CDC42BPA: variants seen among roughly 807,000 people sequenced by gnomAD.
CDC42BPA encodes the protein CDC42 binding protein kinase alpha.
A neutral mutation model predicts 223.5 loss-of-function variants in CDC42BPA; 80 were observed. The ratio of observed to expected loss-of-function variants is 0.36; its 90% CI spans 0.30 to 0.43. CDC42BPA has a LOEUF of 0.43. Among genes scored for constraint, CDC42BPA ranks in the 20% least tolerant of loss-of-function variants. The pLI is 1.00. For synonymous variants in CDC42BPA, 694 were observed against 718.6 expected (o/e 0.97, Z 0.55); for missense variants, 1,743 against 2,099.9 (o/e 0.83, Z 3.32).
chr1:227,029,362 A>G, intron 29 of CDC42BPA, 112 bp from the exon 30 acceptor site: 5 of 678,222 alleles, frequency 7.4e-6, no homozygotes, highest in Non-Finnish European at 1.2e-5. Flanking sequence ...GAAGAATAAG[A>G]CATCAGAAGT....
Position 227,156,581 on chromosome 1 carries a change from A to G in CDC42BPA, c.693+3962T>C, listed in dbSNP as rs150529847. 6.0e-3 allele frequency among the ~76,000 whole-genome samples: 910 copies of G among 152,278 alleles called. 10 individuals are homozygous for G. The highest frequency in any genetic ancestry group is 0.021 in the African/African-American group (857 of 41,546). On this transcript the variant is annotated intron_variant, in intron 6 of 36. Transcript: ENST00000366766. ...AATAAGTATGCTAGAAACAAAACAT[A>G]AAATATTATCCTATTGTCCAGAAAA... is the stretch of plus-strand genomic sequence containing the variant.
chr1:227,070,828 C>T (rs978668919), intron 20 of CDC42BPA, among the ~76,000 whole-genome samples: 3 of 151,632 alleles, frequency 2.0e-5, no homozygotes, highest in Non-Finnish European at 3.0e-5. Context: ...GGTAAACATG[C>T]CTTCAGTGAT....
At chr1:227,004,958 G>T in intron 35 of CDC42BPA, 36 bp downstream of exon 35, 1 of 1,420,864 alleles carries the variant, frequency 7.0e-7, no homozygotes, top group Non-Finnish European at 1.0e-6. Context: ...GGGTCACCCT[G>T]TCTCAGAGGC....
At chr1:227,184,591 G>A (rs1668458749) in intron 5 of CDC42BPA, among the ~76,000 whole-genome samples, 1 of 152,020 alleles carries the variant, frequency 6.6e-6, no homozygotes, top group Non-Finnish European at 1.5e-5. Context: ...TTAATATCTG[G>A]TAGAGTGATT....
chr1:227,195,656 A>C (rs1168501284), intron 4 of CDC42BPA, among the ~76,000 whole-genome samples: 1 of 152,050 alleles, frequency 6.6e-6, no homozygotes, highest in East Asian at 1.9e-4. Context: ...AAATATACTT[A>C]TATCTGTTCC....
intron 35 of CDC42BPA, among the ~76,000 whole-genome samples, chr1:227,003,568 T>A (rs1663350182): frequency 6.6e-6 from 1 of 152,232 alleles, no homozygotes; most frequent in Non-Finnish European, 1.5e-5. Context: ...TTTACTTTTT[T>A]AAATCAGCCA....
At chr1:227,212,904 C>T (rs942711684) in intron 3 of CDC42BPA, among the ~76,000 whole-genome samples, 1 of 151,968 alleles carries the variant, frequency 6.6e-6, no homozygotes, top group Admixed American at 6.6e-5. Context: ...CTGCATAAGC[C>T]CCCCATTACA....
chr1:227,238,164 G>A (rs2148071857), intron 2 of CDC42BPA, among the ~76,000 whole-genome samples: 1 of 151,642 alleles, frequency 6.6e-6, no homozygotes, highest in Middle Eastern at 3.4e-3. Context: ...ACCAGCCTGG[G>A]CAACAAAGTG....
chr1:227,302,542 TGTTTG>T (rs1691824094), intron 1 of CDC42BPA, among the ~76,000 whole-genome samples: 1 of 152,196 alleles, frequency 6.6e-6, no homozygotes, highest in Non-Finnish European at 1.5e-5. Context: ...TGGGGTCTCT[TGTTTG>T]TCCCCAGAGT....
At chr1:226,997,931 G>A in intron 35 of CDC42BPA, among the ~76,000 whole-genome samples, 1 of 152,120 alleles carries the variant, frequency 6.6e-6, no homozygotes, top group Non-Finnish European at 1.5e-5. Flanking sequence ...GTGGATTTGG[G>A]GTGGAGAGTT....
chr1:227,166,852 T>C (rs896935898), intron 5 of CDC42BPA, among the ~76,000 whole-genome samples: 2 of 151,818 alleles, frequency 1.3e-5, no homozygotes, highest in African/African-American at 4.8e-5. Flanking sequence ...ATGTTCTCAA[T>C]AGGCAGTAAA....
At chr1:227,058,817 A>G (rs1675141755) in intron 21 of CDC42BPA, among the ~76,000 whole-genome samples, 1 of 152,032 alleles carries the variant, frequency 6.6e-6, no homozygotes, top group African/African-American at 2.4e-5. Context: ...AGGCTTTATT[A>G]TTAACATTAT....
chr1:227,196,338 C>CTTTTTTCTTTTTTT (rs1670686752), intron 4 of CDC42BPA, among the ~76,000 whole-genome samples: 1 of 92,352 alleles, frequency 1.1e-5, no homozygotes, highest in African/African-American at 4.7e-5. Flanking sequence ...TTAAACAATA[C>CTTTTTTCTTTTTTT]TTTTTTTTTT....
chr1:227,218,101 CTA>C (rs761783068), intron 2 of CDC42BPA, among the ~76,000 whole-genome samples: 129 of 152,112 alleles, frequency 8.5e-4, no homozygotes, highest in Non-Finnish European at 1.5e-3. Flanking sequence ...GACTGGTAAT[CTA>C]TGTGGGTGTA....
At chr1:227,036,560 G>C (rs1237784221) in intron 24 of CDC42BPA, among the ~76,000 whole-genome samples, 1 of 151,282 alleles carries the variant, frequency 6.6e-6, no homozygotes, top group Admixed American at 6.6e-5. Flanking sequence ...CTCCCAAGCA[G>C]CTGGGACTAC....
chr1:227,025,711 C>G (rs1668134168), intron 31 of CDC42BPA, among the ~76,000 whole-genome samples: 3 of 152,130 alleles, frequency 2.0e-5, no homozygotes, highest in African/African-American at 4.8e-5. Flanking sequence ...GGGTGAATGA[C>G]AGTTATAATT....
At chr1:227,135,698 C>T (rs1381312083) in intron 10 of CDC42BPA, among the ~76,000 whole-genome samples, 6 of 151,386 alleles carry the variant, frequency 4.0e-5, no homozygotes, top group African/African-American at 1.2e-4. Context: ...ACTAAAAATA[C>T]AAAAAATTAG....
intron 16 of CDC42BPA, among the ~76,000 whole-genome samples, chr1:227,081,756 T>C (rs561275440): frequency 1.3e-5 from 2 of 152,194 alleles, no homozygotes; most frequent in South Asian, 4.2e-4. Flanking sequence ...GCCTGGCCTA[T>C]ACGCCTGTTC....
At chr1:227,157,776 A>G (rs2149782372) in intron 6 of CDC42BPA, among the ~76,000 whole-genome samples, 1 of 151,924 alleles carries the variant, frequency 6.6e-6, no homozygotes, top group African/African-American at 2.4e-5. Flanking sequence ...CTTCAAGTTC[A>G]CTGGCTGTTT....
Sources: allele counts gnomAD v4.1 joint callset (sites outside exome capture counted in the v4.1 genomes callset), GRCh38; gene constraint gnomAD v4.1.1; transcripts MANE v1.5; gene names NCBI Gene and HGNC (gene_info 2026-07-23, HGNC 2026-07-21).